Variants in KLHL32 observed in about 807,000 individuals in gnomAD.
KLHL32 encodes the protein kelch-like protein 32.
KLHL32 carries 35 observed loss-of-function variants against 64.8 expected under a neutral mutation model. The observed-to-expected ratio is 0.54, with a 90% CI of 0.41 to 0.72. The LOEUF (loss-of-function observed/expected upper bound fraction) is 0.72. Ranked by LOEUF, KLHL32 falls within the 30% of genes least tolerant of loss-of-function variation. KLHL32 has a pLI of 0.00. For synonymous variants in KLHL32, 259 were observed against 281.0 expected, an observed-to-expected ratio of 0.92 and a Z score of 0.78; for missense variants, 589 against 768.5, an observed-to-expected ratio of 0.77 and a Z score of 2.76.
At chr6:97,033,894 C>T (rs1012233476) in intron 3 of KLHL32, among the ~76,000 whole-genome samples, 2 of 151,964 alleles carry the variant, frequency 1.3e-5, no homozygotes, top group Non-Finnish European at 2.9e-5. Flanking sequence ...ATTTATTTTG[C>T]TATTGAATTT....
At chr6:97,109,077 T>C (rs991246630) in intron 6 of KLHL32, among the ~76,000 whole-genome samples, 1 of 152,208 alleles carries the variant, frequency 6.6e-6, no homozygotes, top group African/African-American at 2.4e-5. Context: ...CAGTGGCATA[T>C]GCAACAAGGA....
chr6:96,970,393 T>C (rs1774982537), intron 2 of KLHL32, among the ~76,000 whole-genome samples: 2 of 152,202 alleles, frequency 1.3e-5, no homozygotes, highest in East Asian at 1.9e-4. Flanking sequence ...ATAAGGGCCA[T>C]GCTCCCTCCT....
intron 3 of KLHL32, among the ~76,000 whole-genome samples, chr6:97,034,069 A>G (rs541271333): frequency 6.6e-6 from 1 of 151,996 alleles, no homozygotes; most frequent in Non-Finnish European, 1.5e-5. Flanking sequence ...TGTTGCCAGT[A>G]GTTTGGTGTC....
chr6:97,075,205 A>G (rs1206781524), intron 5 of KLHL32, among the ~76,000 whole-genome samples: 3 of 152,170 alleles, frequency 2.0e-5, no homozygotes, highest in Admixed American at 6.5e-5. Flanking sequence ...CAAAAATTAG[A>G]GCATGCTGGA....
intron 3 of KLHL32, among the ~76,000 whole-genome samples, chr6:97,021,883 C>CTTAATTAATTCAATTAA (rs1430066830): frequency 1.3e-5 from 2 of 150,902 alleles, no homozygotes; most frequent in Non-Finnish European, 2.9e-5. Flanking sequence ...TTAATGGCAA[C>CTTAATTAATTCAATTAA]TGTCCAGTTA....
At chr6:96,974,317 A>G (rs776773311) in intron 2 of KLHL32, among the ~76,000 whole-genome samples, 3 of 152,222 alleles carry the variant, frequency 2.0e-5, no homozygotes, top group African/African-American at 4.8e-5. Flanking sequence ...GGCTGATACA[A>G]TGTTTCTATT....
chr6:96,935,444 G>A (rs192021057), intron 1 of KLHL32, among the ~76,000 whole-genome samples: 11 of 152,182 alleles, frequency 7.2e-5, no homozygotes, highest in African/African-American at 1.4e-4. Context: ...GTGGAACTTC[G>A]GCAAATTAGA....
chr6:97,091,981 C>CT (rs11340950), intron 6 of KLHL32, among the ~76,000 whole-genome samples: 3,139 of 132,352 alleles, frequency 0.024, 41 homozygotes, highest in Non-Finnish European at 0.031. Flanking sequence ...CTCTTTCTTT[C>CT]TTTTTTTTTT....
chr6:97,044,369 T>C (rs1785599031), intron 4 of KLHL32, among the ~76,000 whole-genome samples: 1 of 152,130 alleles, frequency 6.6e-6, no homozygotes, highest in African/African-American at 2.4e-5. Flanking sequence ...AGTGAATGAT[T>C]CTTTTAATCA....
At chr6:97,071,428 T>C (rs111447891) in intron 5 of KLHL32, among the ~76,000 whole-genome samples, 57 of 152,298 alleles carry the variant, frequency 3.7e-4, no homozygotes, top group Non-Finnish European at 5.4e-4. Context: ...ATTAGCTCCT[T>C]GACTGTCCCT....
At chr6:96,901,981 T>C in the KLHL32 span, among the ~76,000 whole-genome samples, 5 of 152,348 alleles carry the variant, frequency 3.3e-5, no homozygotes, top group East Asian at 1.9e-4. Flanking sequence ...CAGTCTATCA[T>C]TGATGGACAG....
At chr6:97,074,971 G>A (rs898751370) in intron 5 of KLHL32, among the ~76,000 whole-genome samples, 5 of 151,952 alleles carry the variant, frequency 3.3e-5, no homozygotes, top group Non-Finnish European at 5.9e-5. Flanking sequence ...TTTGCAGCAC[G>A]TAGTGACTGG....
intron 3 of KLHL32, among the ~76,000 whole-genome samples, chr6:97,002,441 A>G (rs901142789): frequency 2.0e-5 from 3 of 152,240 alleles, no homozygotes; most frequent in African/African-American, 7.2e-5. Flanking sequence ...ATATTTTTCA[A>G]ACTCTATGAA....
chr6:96,941,750 C>T (rs6568668), intron 1 of KLHL32, among the ~76,000 whole-genome samples: 112,626 of 151,942 alleles, frequency 0.74, 42,070 homozygotes, highest in African/African-American at 0.82. Context: ...ACATAGCTGC[C>T]TTTTTTCTCT....
At chr6:97,003,743 A>G (rs1475474952) in intron 3 of KLHL32, among the ~76,000 whole-genome samples, 1 of 152,226 alleles carries the variant, frequency 6.6e-6, no homozygotes, top group Non-Finnish European at 1.5e-5. Context: ...TTGATTGAAT[A>G]GGGAGTCTTT....
chr6:96,931,696 G>A (rs1030861970), intron 1 of KLHL32, among the ~76,000 whole-genome samples: 7 of 152,106 alleles, frequency 4.6e-5, no homozygotes, highest in African/African-American at 1.7e-4. Context: ...GTTAAAGACA[G>A]AAAATCCTTT....
intron 6 of KLHL32, among the ~76,000 whole-genome samples, chr6:97,112,420 A>G (rs1797258883): frequency 6.6e-6 from 1 of 152,100 alleles, no homozygotes; most frequent in African/African-American, 2.4e-5. Context: ...TAGGTGCTCC[A>G]TAAATGAATT....
rs1250425250 is a variant in KLHL32 at position 97,057,212 on chromosome 6, T to C, written c.313-7416T>C. ...TTTTTTTTTTTTTTTGAGACGGAGT[T>C]TCGCTCTGTCGCCCAGGCTGGAGTG... On this transcript the variant is annotated intron_variant, in intron 4 of 10. Transcript: ENST00000369261. 7.5e-5 allele frequency among the ~76,000 whole-genome samples: 6 copies of C among 80,164 alleles called. 1 individual carries two copies. The highest frequency in any genetic ancestry group is 1.7e-4 in the Admixed American group (1 of 5,962). The allele number at this position is 80,164 out of a possible 152,430, so 52.6% of individuals were successfully genotyped here. A position where few individuals can be genotyped will look rare whatever the true frequency, so the allele number is the denominator to read the frequency against.
chr6:96,943,747 T>C (rs1431553401), intron 1 of KLHL32, among the ~76,000 whole-genome samples: 1 of 152,220 alleles, frequency 6.6e-6, no homozygotes, highest in Non-Finnish European at 1.5e-5. Flanking sequence ...ACTTCGAGCT[T>C]CCTGCTTTTT....
Sources: gnomAD v4.1 joint callset for allele counts (sites outside exome capture counted in the v4.1 genomes callset) on GRCh38, gnomAD v4.1.1 for gene constraint, MANE v1.5 for transcripts, NCBI Gene and HGNC (gene_info 2026-07-23, HGNC 2026-07-21) for gene names.